PKD2: variants seen among roughly 807,000 people sequenced by gnomAD.
PKD2 encodes polycystin-2.
In PKD2, 48 loss-of-function variants were observed where a neutral mutation model predicts 105.9. The observed-to-expected ratio is 0.45, with a 90% CI of 0.36 to 0.58. The LOEUF (loss-of-function observed/expected upper bound fraction) is 0.58. Among genes scored for constraint, PKD2 ranks in the 20% least tolerant of loss-of-function variants. PKD2 has a pLI of 0.00. For missense variants in PKD2, 1,078 were observed against 1,255.3 expected (o/e 0.86, Z 2.13); for synonymous variants, 464 against 481.1 (o/e 0.96, Z 0.46).
intron 1 of PKD2, among the ~76,000 whole-genome samples, chr4:88,010,641 T>C (rs1270753846): frequency 2.0e-5 from 3 of 152,162 alleles, no homozygotes; most frequent in Non-Finnish European, 4.4e-5. Flanking sequence ...TCCCTGGAAG[T>C]CTCTTGCCTT....
intron 12 of PKD2, among the ~76,000 whole-genome samples, chr4:88,066,584 T>G (rs745442287): frequency 1.2e-4 from 18 of 152,076 alleles, no homozygotes; most frequent in Non-Finnish European, 2.4e-4. Flanking sequence ...AACTCCTGAC[T>G]GCAAGCAATC....
At chr4:88,056,987 T>TTTTTG (rs1013773672) in intron 8 of PKD2, among the ~76,000 whole-genome samples, 4 of 151,866 alleles carry the variant, frequency 2.6e-5, no homozygotes, top group Non-Finnish European at 5.9e-5. Flanking sequence ...GTTTTGTTTT[T>TTTTTG]TTTTGTTTTG....
chr4:88,021,903 T>C (rs1191162726), intron 2 of PKD2, among the ~76,000 whole-genome samples: 2 of 152,248 alleles, frequency 1.3e-5, no homozygotes, highest in African/African-American at 4.8e-5. Flanking sequence ...GATTATGTGA[T>C]TGGAGACACA....
intron 1 of PKD2, among the ~76,000 whole-genome samples, chr4:88,015,274 T>C (rs1327838701): frequency 6.6e-6 from 1 of 152,196 alleles, no homozygotes; most frequent in African/African-American, 2.4e-5. Flanking sequence ...CCCTATCATA[T>C]CAGCAGTGGC....
intron 5 of PKD2, among the ~76,000 whole-genome samples, chr4:88,045,768 G>C (rs1419198893): frequency 6.9e-6 from 1 of 145,626 alleles, no homozygotes; most frequent in Non-Finnish European, 1.5e-5. Context: ...CATCTATTGA[G>C]TACCCACCTA....
chr4:88,059,562 T>C (rs1055838480), intron 9 of PKD2, among the ~76,000 whole-genome samples: 1 of 152,182 alleles, frequency 6.6e-6, no homozygotes, highest in African/African-American at 2.4e-5. Context: ...TGTGGTCCTT[T>C]AGTAGGCAGC....
intron 5 of PKD2, among the ~76,000 whole-genome samples, chr4:88,043,817 A>C (rs1426958919): frequency 6.6e-6 from 1 of 152,006 alleles, no homozygotes; most frequent in Non-Finnish European, 1.5e-5. Context: ...TCAAATCTTG[A>C]CTCATTTCCT....
In PKD2 at chr4:88,043,376, T is replaced by A; in HGVS notation, c.1238T>A (p.Val413Asp). 1 of 1,614,072 alleles carries A rather than the reference T, an allele frequency of 6.2e-7. No individual in the cohort carries two copies. The highest frequency in any genetic ancestry group is 1.3e-5 in the African/African-American group (1 of 75,044). ...CAAGTTGCTAGCCTCAAGAAAAATG[T>A]CTGGCTGGACCGAGGAACCAGGGCA... ...AAQVASLKKNVWLDRGTRATF... is the reference protein window; with the variant it reads ...AAQVASLKKNDWLDRGTRATF... The change falls in exon 5 of 15, where the codon GTC (valine) becomes GAC (aspartate). Residue 413 changes from valine to aspartate, a missense_variant. Physicochemically the swap from Val to Asp is radical, Grantham distance 152. This residue lies in a region of PKD2 where 868 missense variants were observed against 1,067.3 expected (regional missense o/e 0.81). Transcript: ENST00000237596.
chr4:88,064,486 C>A (rs574063916), intron 10 of PKD2, among the ~76,000 whole-genome samples: 31 of 152,268 alleles, frequency 2.0e-4, no homozygotes, highest in African/African-American at 6.5e-4. Flanking sequence ...GATCACAGAA[C>A]AATTGTAATT....
At position 88,065,864 on chromosome 4, in the gene PKD2, C is replaced by A. The variant is rs776883129; in HGVS notation, c.2343C>A (p.Asp781Glu). The A allele has an allele frequency of 4.7e-5, 75 of 1,605,502 alleles. No individual in the cohort carries two copies. Among genetic ancestry groups the A allele is most frequent in the Non-Finnish European group, 6.1e-5 (72 of 1,172,318 alleles). ...TEHEHQQMRD[D>E]LEKEREDLDL... ...ATGAACATCAGCAGATGAGAGACGA[C>A]TTGGAGAAAGAGAGGGTGGGTCTGG... The change falls in exon 12 of 15, where the codon GAC (aspartate) becomes GAA (glutamate). Residue 781 changes from aspartate (D) to glutamate (E), a missense_variant. By Grantham distance (45) the Asp-to-Glu change is conservative. This residue lies in a region of PKD2 where 868 missense variants were observed against 1,067.3 expected (regional missense o/e 0.81). Transcript: ENST00000237596.
rs549787080 is a variant in PKD2, at chr4:88,075,689, G to A, written c.2902G>A (p.Val968Ile). The A allele has an allele frequency of 2.7e-5, 43 of 1,600,770 alleles. No homozygotes were observed. Among genetic ancestry groups the A allele is most frequent in the East Asian group, 2.2e-4 (10 of 44,818 alleles). Residue 968 changes from valine (V) to isoleucine (I), a missense_variant, in exon 15 of 15, where the codon GTA becomes ATA. Physicochemically the swap from Val to Ile is conservative, Grantham distance 29. Around this residue, in one of 2 missense-constraint regions of PKD2, gnomAD observed 868 missense variants for 1,067.3 expected, o/e 0.81. Transcript: ENST00000237596. The stretch of plus-strand genomic sequence containing the variant: ...TGGAAATGGGAGTTCTAATGTCCAC[G>A]TATGATATGTGTGTTTCAGTATGTG... The part of the protein sequence containing the change: ...AGGNGSSNVH[V>I]
At chr4:88,017,512 C>T (rs1213264822) in intron 1 of PKD2, among the ~76,000 whole-genome samples, 6 of 152,162 alleles carry the variant, frequency 3.9e-5, no homozygotes, top group Admixed American at 6.5e-5. Flanking sequence ...CGGGTTCAAC[C>T]GATTCTTCTG....
intron 2 of PKD2, among the ~76,000 whole-genome samples, chr4:88,029,625 C>T (rs1205364996): frequency 6.6e-6 from 1 of 152,096 alleles, no homozygotes; most frequent in African/African-American, 2.4e-5. Context: ...TATTTTAATC[C>T]TAATCATCTA....
rs1721241086 is a variant in PKD2, at chr4:88,076,554, A to G, written c.*860A>G. Reference sequence around the variant, plus strand: ...CTCATTTGCAACTGAATTTAATGTTATAACTCATCTAGTGAGACCAACTTA... The same window carrying G: ...CTCATTTGCAACTGAATTTAATGTTGTAACTCATCTAGTGAGACCAACTTA... On this transcript the variant is annotated 3_prime_UTR_variant, in exon 15 of 15. Coordinates refer to ENST00000237596, the MANE Select transcript of PKD2 (RefSeq NM_000297.4). 2 of 152,368 alleles carry G rather than the reference A, an allele frequency of 1.3e-5. No homozygotes were observed. The highest frequency in any genetic ancestry group is 2.1e-4 in the South Asian group (1 of 4,832). The allele number at this position is 152,368 out of a possible 1,614,324, so 9.4% of individuals were successfully genotyped here.
intron 6 of PKD2, among the ~76,000 whole-genome samples, chr4:88,048,857 AT>A (rs1367945328): frequency 2.0e-5 from 3 of 152,242 alleles, no homozygotes; most frequent in Non-Finnish European, 4.4e-5. Context: ...AATACTGGAA[AT>A]AATTTTTCAG....
In PKD2 at chr4:88,069,170, T is replaced by A. The variant is rs148158195; in HGVS notation, c.2522+1109T>A. 2.7e-3 allele frequency among the ~76,000 whole-genome samples: 417 copies of A among 152,276 alleles called. 4 individuals carry two copies. The highest frequency in any genetic ancestry group is 9.7e-3 in the African/African-American group (404 of 41,568). On this transcript the variant is annotated intron_variant, in intron 13 of 14. Coordinates refer to ENST00000237596, the MANE Select transcript of PKD2 (RefSeq NM_000297.4). ...CTTTTTCCATCCTTTTACTTTAAAC[T>A]TATTTATATCTTTCAGTCTGAAGTA... is the stretch of plus-strand genomic sequence containing the variant.
At chr4:88,062,937 C>G (rs1410238147) in intron 10 of PKD2, among the ~76,000 whole-genome samples, 1 of 152,190 alleles carries the variant, frequency 6.6e-6, no homozygotes, top group Non-Finnish European at 1.5e-5. Flanking sequence ...TACACACAAA[C>G]TTTGGTTACC....
rs772349335 is a variant in PKD2 at position 88,043,260 on chromosome 4, G to C, written c.1122G>C (p.Leu374Phe). The change falls in exon 5 of 15, where the codon TTG becomes TTC. Residue 374 changes from leucine to phenylalanine, a missense_variant. Around this residue, in one of 2 missense-constraint regions of PKD2, gnomAD observed 868 missense variants for 1,067.3 expected, o/e 0.81. Coordinates refer to ENST00000237596, the MANE Select transcript of PKD2 (RefSeq NM_000297.4). The stretch of plus-strand genomic sequence containing the variant: ...GGATCTACACAAGTGAAAAAGACTT[G>C]AATGGTAGTAGCCACTGGGGAATCA... ...TAWIYTSEKD[L>F]NGSSHWGIIA... 3.1e-6 allele frequency: 5 copies of C among 1,612,006 alleles called. No individual in the cohort carries two copies. In the African/African-American group the frequency reaches 6.7e-5, roughly 22 times the overall value.
At chr4:88,066,725 T>C (rs1720810542) in intron 12 of PKD2, among the ~76,000 whole-genome samples, 1 of 151,716 alleles carries the variant, frequency 6.6e-6, no homozygotes, top group South Asian at 2.1e-4. Context: ...TAGTTAAAAA[T>C]AAACATAAGT....
Sources: gnomAD v4.1 joint callset for allele counts (sites outside exome capture counted in the v4.1 genomes callset) on GRCh38, gnomAD v4.1.1 for gene constraint, gnomAD v4.1.1 regional missense constraint, MANE v1.5 for transcripts, NCBI Gene and HGNC (gene_info 2026-07-23, HGNC 2026-07-21) for gene names.